PPP3CA: variants seen among roughly 807,000 people sequenced by gnomAD.
The protein encoded by PPP3CA is CAM-PRP catalytic subunit.
Under a neutral mutation model 66.5 loss-of-function variants are expected in PPP3CA, and 14 were observed. The observed-to-expected ratio is 0.21, with a 90% confidence interval of 0.14 to 0.33. The LOEUF is 0.33. PPP3CA is among the 10% of genes least tolerant of loss of function. The pLI is 1.00. For synonymous variants in PPP3CA, 232 were observed against 226.2 expected (o/e 1.03, Z -0.23); for missense variants, 317 against 639.5 (o/e 0.50, Z 5.44).
intron 1 of PPP3CA, among the ~76,000 whole-genome samples, chr4:101,296,471 G>A (rs1245427978): frequency 6.6e-6 from 1 of 152,020 alleles, no homozygotes; most frequent in Non-Finnish European, 1.5e-5. Flanking sequence ...AAATAAAGAT[G>A]AACTACTTTT....
rs34765642 is a variant in PPP3CA at position 101,295,406 on chromosome 4, G to A, written c.58+51333C>T. On this transcript the variant is annotated intron_variant, in intron 1 of 13. Transcript: ENST00000394854. ...TCAGGCAAATGAGTTTTATCAAAAC[G>A]GTCATCTATTTTCTATTTTGTACAT... is the stretch of plus-strand genomic sequence containing the variant. 2.2e-4 allele frequency among the ~76,000 whole-genome samples: 33 copies of A among 151,604 alleles called. No individual in the cohort carries two copies. In the East Asian group the frequency reaches 4.3e-3, roughly 20 times the overall value.
At chr4:101,066,748 T>C (rs1728698038) in intron 8 of PPP3CA, among the ~76,000 whole-genome samples, 1 of 152,090 alleles carries the variant, frequency 6.6e-6, no homozygotes, top group Admixed American at 6.6e-5. Flanking sequence ...TAACGTTTCA[T>C]CTTCCACCTC....
chr4:101,339,853 T>G (rs1037050302), intron 1 of PPP3CA, among the ~76,000 whole-genome samples: 4 of 152,204 alleles, frequency 2.6e-5, no homozygotes, highest in African/African-American at 9.7e-5. Flanking sequence ...GTTTAGACAC[T>G]GACATACTAG....
intron 2 of PPP3CA, among the ~76,000 whole-genome samples, chr4:101,173,778 T>C (rs925627005): frequency 6.6e-6 from 1 of 152,170 alleles, no homozygotes; most frequent in African/African-American, 2.4e-5. Flanking sequence ...AAAAAGAGCA[T>C]GGTGGATCAT....
chr4:101,275,168 T>C (rs1727450434), intron 1 of PPP3CA, among the ~76,000 whole-genome samples: 1 of 152,322 alleles, frequency 6.6e-6, no homozygotes, highest in East Asian at 1.9e-4. Flanking sequence ...TTCTGATCTC[T>C]AAACTCTCTG....
intron 2 of PPP3CA, among the ~76,000 whole-genome samples, chr4:101,132,972 C>G (rs1022007821): frequency 5.9e-5 from 9 of 152,184 alleles, no homozygotes; most frequent in African/African-American, 2.2e-4. Flanking sequence ...CATAATCCAT[C>G]ACATAAACAG....
intron 1 of PPP3CA, among the ~76,000 whole-genome samples, chr4:101,299,241 C>G (rs558233976): frequency 6.7e-6 from 1 of 149,360 alleles, no homozygotes; most frequent in African/African-American, 2.5e-5. Flanking sequence ...GCATAAGCCA[C>G]TACATACAGC....
chr4:101,151,108 C>A (rs186064855), intron 2 of PPP3CA, among the ~76,000 whole-genome samples: 1 of 152,140 alleles, frequency 6.6e-6, no homozygotes, highest in African/African-American at 2.4e-5. Flanking sequence ...TTACTTTTAA[C>A]ATTGACAGCT....
chr4:101,094,008 C>A, intron 5 of PPP3CA, 93 bp from the exon 6 acceptor site: 1 of 1,169,020 alleles, frequency 8.6e-7, no homozygotes, highest in Non-Finnish European at 1.2e-6. Context: ...AGAACCCATC[C>A]TCTTCTCCCC....
intron 6 of PPP3CA, among the ~76,000 whole-genome samples, chr4:101,093,159 G>A (rs1730035086): frequency 6.6e-6 from 1 of 152,164 alleles, no homozygotes; most frequent in Non-Finnish European, 1.5e-5. Context: ...ACTGGCATGA[G>A]ATGGTATCTT....
At chr4:101,067,408 T>C (rs538910722) in intron 8 of PPP3CA, among the ~76,000 whole-genome samples, 15 of 151,940 alleles carry the variant, frequency 9.9e-5, no homozygotes, top group Non-Finnish European at 1.6e-4. Flanking sequence ...CTGTACATAG[T>C]GAAGTCCAAA....
intron 1 of PPP3CA, among the ~76,000 whole-genome samples, chr4:101,209,376 G>A (rs1056944026): frequency 3.3e-5 from 5 of 151,884 alleles, no homozygotes; most frequent in African/African-American, 1.2e-4. Flanking sequence ...TAGCCAAGGG[G>A]GACCCAATTA....
In PPP3CA at chr4:101,033,145, A is replaced by T. The variant is rs149464662; in HGVS notation, c.1242-781T>A. Among the ~76,000 whole-genome samples, 272 of 152,174 alleles carry T rather than the reference A, an allele frequency of 1.8e-3. 2 individuals are homozygous for T. In the East Asian group the frequency reaches 0.031, roughly 18 times the overall value. On this transcript the variant is annotated intron_variant, in intron 11 of 13. Transcript: ENST00000394854. ...ATAATTAAATAACCATGACTAAATA[A>T]CCACTCACTCTTTCCACATAGCAAT...
At chr4:101,323,314 T>C (rs369318564) in intron 1 of PPP3CA, among the ~76,000 whole-genome samples, 3 of 152,210 alleles carry the variant, frequency 2.0e-5, no homozygotes, top group Admixed American at 6.5e-5. Context: ...TGTGCTACTA[T>C]AGGGCTTTGG....
chr4:101,116,359 T>TTTATGCTAAATTTATGCTA (rs1721837978), intron 2 of PPP3CA, among the ~76,000 whole-genome samples: 1 of 152,014 alleles, frequency 6.6e-6, no homozygotes, highest in South Asian at 2.1e-4. Context: ...AATTTATGTC[T>TTTATGCTAAATTTATGCTA]AATTCTCAGC....
chr4:101,229,574 C>T (rs1176533563), intron 1 of PPP3CA, among the ~76,000 whole-genome samples: 2 of 151,334 alleles, frequency 1.3e-5, no homozygotes, highest in African/African-American at 4.9e-5. Flanking sequence ...AAAAGTAAAC[C>T]CTGACTTGAA....
intron 2 of PPP3CA, among the ~76,000 whole-genome samples, chr4:101,182,205 T>C (rs766793809): frequency 5.9e-5 from 9 of 152,164 alleles, no homozygotes; most frequent in Non-Finnish European, 1.3e-4. Context: ...AAGTACCTAA[T>C]ACAGACAGGC....
intron 1 of PPP3CA, among the ~76,000 whole-genome samples, chr4:101,346,201 GA>G: frequency 6.6e-6 from 1 of 152,084 alleles, no homozygotes; most frequent in East Asian, 2.0e-4. Context: ...GGGGGAGGGG[GA>G]GGGGGGCGCG....
At chr4:101,135,178 C>G (rs2110286327) in intron 2 of PPP3CA, among the ~76,000 whole-genome samples, 1 of 151,746 alleles carries the variant, frequency 6.6e-6, no homozygotes, top group Non-Finnish European at 1.5e-5. Context: ...TGTAACAAAC[C>G]TGCACCTTCT....
Sources: allele counts gnomAD v4.1 joint callset (sites outside exome capture counted in the v4.1 genomes callset), GRCh38; gene constraint gnomAD v4.1.1; transcripts MANE v1.5; gene names NCBI Gene and HGNC (gene_info 2026-07-23, HGNC 2026-07-21).